Variants in KCNMA1 observed in about 807,000 individuals in gnomAD.
KCNMA1 encodes the protein potassium calcium-activated channel subfamily M alpha 1.
Under a neutral mutation model 140.0 loss-of-function variants are expected in KCNMA1, and 29 were observed. The observed-to-expected ratio is 0.21, with a 90% confidence interval of 0.15 to 0.28. The LOEUF (loss-of-function observed/expected upper bound fraction) is 0.28, where lower values mean the gene tolerates loss of function less well. Among genes scored for constraint, KCNMA1 ranks in the 10% least tolerant of loss-of-function variants. The pLI, the probability that KCNMA1 is intolerant of heterozygous loss-of-function variation, is 1.00. For synonymous variants in KCNMA1, 612 were observed against 611.9 expected (o/e 1.00, Z 0.00); for missense variants, 880 against 1,602.2 (o/e 0.55, Z 7.70).
At chr10:77,014,154 T>C (rs940003335) in intron 17 of KCNMA1, among the ~76,000 whole-genome samples, 8 of 152,148 alleles carry the variant, frequency 5.3e-5, no homozygotes, top group Non-Finnish European at 7.4e-5. Flanking sequence ...CTTGGCTGGG[T>C]GTGGCGGCTG....
At chr10:76,897,636 C>T (rs987265701) in intron 25 of KCNMA1, among the ~76,000 whole-genome samples, 1 of 151,374 alleles carries the variant, frequency 6.6e-6, no homozygotes, top group African/African-American at 2.4e-5. Flanking sequence ...AATTTTAAAC[C>T]CTTAGTAACT....
chr10:77,608,539 A>C (rs1408426374), intron 1 of KCNMA1, among the ~76,000 whole-genome samples: 1 of 152,078 alleles, frequency 6.6e-6, no homozygotes, highest in East Asian at 1.9e-4. Context: ...GCACCCCCAC[A>C]CACACACGCA....
At chr10:76,952,545 A>T (rs1591764637) in intron 21 of KCNMA1, among the ~76,000 whole-genome samples, 1 of 152,252 alleles carries the variant, frequency 6.6e-6, no homozygotes, top group East Asian at 1.9e-4. Context: ...AAAAGAATGT[A>T]CATACGTGAA....
chr10:77,265,854 G>T (rs1279576362), intron 2 of KCNMA1, among the ~76,000 whole-genome samples: 2 of 152,104 alleles, frequency 1.3e-5, no homozygotes, highest in African/African-American at 4.8e-5. Context: ...GCCGAGATGG[G>T]CAGTTCACTT....
chr10:77,208,526 G>A (rs2044912082), intron 3 of KCNMA1, among the ~76,000 whole-genome samples: 1 of 144,722 alleles, frequency 6.9e-6, no homozygotes, highest in South Asian at 2.1e-4. Context: ...AAAAACCTGT[G>A]CGCAGAAATG....
chr10:77,285,867 A>G (rs1416164871), intron 2 of KCNMA1, among the ~76,000 whole-genome samples: 2 of 152,208 alleles, frequency 1.3e-5, no homozygotes, highest in Non-Finnish European at 2.9e-5. Context: ...TGGGTTGTTC[A>G]GATGATTAGA....
At chr10:76,949,101 G>C in intron 22 of KCNMA1, 41 bp downstream of exon 22, 1 of 1,413,904 alleles carries the variant, frequency 7.1e-7, no homozygotes. Context: ...TTTTGTGAAT[G>C]AAAAGAAGAA....
intron 22 of KCNMA1, among the ~76,000 whole-genome samples, chr10:76,945,610 G>A (rs12413675): frequency 0.1 from 15,925 of 152,154 alleles, 1,170 homozygotes; most frequent in Non-Finnish European, 0.15. Flanking sequence ...AAAATACACA[G>A]GGAAATGACC....
At chr10:77,455,764 G>A (rs867632681) in intron 1 of KCNMA1, among the ~76,000 whole-genome samples, 1 of 152,120 alleles carries the variant, frequency 6.6e-6, no homozygotes, top group Non-Finnish European at 1.5e-5. Flanking sequence ...CCAGAGCAGA[G>A]AGCCAGAAGG....
chr10:77,471,662 C>G (rs926898848), intron 1 of KCNMA1, among the ~76,000 whole-genome samples: 4 of 150,750 alleles, frequency 2.7e-5, no homozygotes, highest in South Asian at 4.2e-4. Context: ...ACATCACACA[C>G]TACACACACA....
rs151096951 is a variant in KCNMA1 at position 77,574,959 on chromosome 10, G to A, written c.378+62306C>T. 3.0e-3 allele frequency among the ~76,000 whole-genome samples: 458 copies of A among 152,262 alleles called. 2 individuals are homozygous for A. Among genetic ancestry groups the A allele is most frequent in the Middle Eastern group, 0.01 (3 of 294 alleles). ...GGCCCCAGGGCCTGACCACTGCAGG[G>A]GCTGGGACCACAGATCGTACCACCA... On this transcript the variant is annotated intron_variant, in intron 1 of 27. Transcript: ENST00000286628.
intron 2 of KCNMA1, among the ~76,000 whole-genome samples, chr10:77,272,686 C>A (rs1199612916): frequency 1.3e-5 from 2 of 151,798 alleles, no homozygotes; most frequent in Non-Finnish European, 2.9e-5. Flanking sequence ...TGTTTCTCAT[C>A]CTAATTAAAT....
intron 2 of KCNMA1, among the ~76,000 whole-genome samples, chr10:77,298,341 C>A (rs2075737043): frequency 1.3e-5 from 2 of 152,076 alleles, no homozygotes; most frequent in South Asian, 2.1e-4. Context: ...CTCCTGGGCT[C>A]AAGCGATTCT....
intron 2 of KCNMA1, among the ~76,000 whole-genome samples, chr10:77,289,225 T>G (rs970817317): frequency 2.6e-5 from 4 of 152,164 alleles, no homozygotes; most frequent in Non-Finnish European, 5.9e-5. Flanking sequence ...CTTTCCACCT[T>G]GAACCCAGCA....
At chr10:76,947,060 C>G (rs536257876) in intron 22 of KCNMA1, among the ~76,000 whole-genome samples, 2 of 152,056 alleles carry the variant, frequency 1.3e-5, no homozygotes, top group Non-Finnish European at 2.9e-5. Context: ...CAGAGCCGGG[C>G]GCGGTGGCTG....
intron 2 of KCNMA1, among the ~76,000 whole-genome samples, chr10:77,278,711 GA>G (rs1199111463): frequency 6.6e-6 from 1 of 152,174 alleles, no homozygotes; most frequent in East Asian, 1.9e-4. Context: ...TAAAAGTGAA[GA>G]ATCACATGAC....
exon 28 of KCNMA1, chr10:76,872,032 T>C (rs1413944074): frequency 6.6e-6 from 1 of 152,242 alleles, no homozygotes; most frequent in Non-Finnish European, 1.5e-5. Context: ...AAGGGTGTTT[T>C]CATAAGGGGA....
intron 2 of KCNMA1, among the ~76,000 whole-genome samples, chr10:77,380,471 C>T (rs554576011): frequency 1.4e-3 from 212 of 152,292 alleles, no homozygotes; most frequent in Non-Finnish European, 2.5e-3. Flanking sequence ...ATCCTTTCAT[C>T]TACAGCCCCT....
chr10:77,442,457 C>A (rs1027446888), intron 1 of KCNMA1, among the ~76,000 whole-genome samples: 1 of 152,230 alleles, frequency 6.6e-6, no homozygotes, highest in Middle Eastern at 3.4e-3. Flanking sequence ...TTAGCAGGGA[C>A]CTGGCATGGA....
Sources: allele counts gnomAD v4.1 joint callset (sites outside exome capture counted in the v4.1 genomes callset), GRCh38; gene constraint gnomAD v4.1.1; transcripts MANE v1.5; gene names NCBI Gene and HGNC (gene_info 2026-07-23, HGNC 2026-07-21).